LHFPL6: variants seen among roughly 807,000 people sequenced by gnomAD.
LHFPL6 encodes the protein LHFPL tetraspan subfamily member 6 protein.
LHFPL6 carries 9 observed loss-of-function variants against 20.6 expected under a neutral mutation model. The ratio of observed to expected loss-of-function variants is 0.44; its 90% confidence interval spans 0.26 to 0.76. The LOEUF (loss-of-function observed/expected upper bound fraction) is 0.76. LHFPL6 is among the 30% of genes least tolerant of loss of function. The probability of loss-of-function intolerance (pLI) is 0.20; values close to 1 mark genes in which losing one functional copy is unlikely to be tolerated. For synonymous variants in LHFPL6, 105 were observed against 98.7 expected (o/e 1.06, Z -0.38); for missense variants, 218 against 253.5 (o/e 0.86, Z 0.95).
intron 2 of LHFPL6, among the ~76,000 whole-genome samples, chr13:39,446,479 C>T (rs542674055): frequency 3.9e-4 from 60 of 152,270 alleles, no homozygotes; most frequent in African/African-American, 1.3e-3. Context: ...ATCTGCAGAG[C>T]ACAGAGTAAG....
At chr13:39,443,959 G>A (rs907519958) in intron 2 of LHFPL6, among the ~76,000 whole-genome samples, 5 of 151,798 alleles carry the variant, frequency 3.3e-5, no homozygotes, top group African/African-American at 1.2e-4. Flanking sequence ...TAGGTTTGAT[G>A]TGTTAAATGT....
chr13:39,562,375 C>CATATACAT (rs1566141871), intron 2 of LHFPL6, among the ~76,000 whole-genome samples: 2,251 of 100,214 alleles, frequency 0.022, 145 homozygotes, highest in African/African-American at 0.054. Flanking sequence ...TACATATATA[C>CATATACAT]ATATATACAT....
chr13:39,455,167 G>A (rs917250584), intron 2 of LHFPL6, among the ~76,000 whole-genome samples: 3 of 151,808 alleles, frequency 2.0e-5, no homozygotes, highest in South Asian at 4.2e-4. Context: ...CAACTCCCTC[G>A]AAAAAAACCA....
intron 2 of LHFPL6, among the ~76,000 whole-genome samples, chr13:39,466,985 A>T (rs371027289): frequency 6.6e-6 from 1 of 152,216 alleles, no homozygotes; most frequent in Admixed American, 6.5e-5. Context: ...GATCTTTGTT[A>T]CTTAGTGATA....
intron 2 of LHFPL6, among the ~76,000 whole-genome samples, chr13:39,536,794 A>T (rs371702646): frequency 1.3e-5 from 2 of 152,224 alleles, no homozygotes; most frequent in East Asian, 3.9e-4. Context: ...TCAGTAATTA[A>T]TCCAGTTCTG....
chr13:39,445,506 T>A (rs984775678), intron 2 of LHFPL6, among the ~76,000 whole-genome samples: 1 of 152,222 alleles, frequency 6.6e-6, no homozygotes, highest in Non-Finnish European at 1.5e-5. Context: ...TCAGTCTTAG[T>A]ATAGAACAGA....
At chr13:39,444,145 G>A (rs185682949) in intron 2 of LHFPL6, among the ~76,000 whole-genome samples, 22 of 152,282 alleles carry the variant, frequency 1.4e-4, no homozygotes, top group Non-Finnish European at 2.9e-4. Flanking sequence ...GGGGACTCAA[G>A]AGTGAGGAAC....
chr13:39,569,156 C>CGGACGGATGGATGGATGGAT (rs754156552), intron 2 of LHFPL6, among the ~76,000 whole-genome samples: 2 of 97,356 alleles, frequency 2.1e-5, no homozygotes, highest in Middle Eastern at 6.4e-3. Flanking sequence ...GATGGACGGA[C>CGGACGGATGGATGGATGGAT]GGATGGATGG....
At chr13:39,510,751 T>C (rs1299383599) in intron 2 of LHFPL6, among the ~76,000 whole-genome samples, 1 of 152,166 alleles carries the variant, frequency 6.6e-6, no homozygotes, top group Non-Finnish European at 1.5e-5. Context: ...CTTTGCTTCC[T>C]GAGTGAAAAA....
At chr13:39,394,067 T>C (rs1870776887) in intron 2 of LHFPL6, among the ~76,000 whole-genome samples, 2 of 152,120 alleles carry the variant, frequency 1.3e-5, no homozygotes, top group Non-Finnish European at 2.9e-5. Flanking sequence ...TCGCCTCCCA[T>C]ATAGCTGGGA....
intron 2 of LHFPL6, among the ~76,000 whole-genome samples, chr13:39,417,176 C>T (rs1443417908): frequency 6.6e-6 from 1 of 152,138 alleles, no homozygotes; most frequent in Non-Finnish European, 1.5e-5. Flanking sequence ...TTATTCATAT[C>T]CCTCTTGAAA....
At chr13:39,459,611 G>A (rs1241422607) in intron 2 of LHFPL6, among the ~76,000 whole-genome samples, 2 of 152,058 alleles carry the variant, frequency 1.3e-5, no homozygotes, top group African/African-American at 4.8e-5. Flanking sequence ...CTTTCCCATG[G>A]GAATTTAAAC....
chr13:39,444,945 T>C (rs564425786), intron 2 of LHFPL6, among the ~76,000 whole-genome samples: 1 of 152,198 alleles, frequency 6.6e-6, no homozygotes, highest in African/African-American at 2.4e-5. Flanking sequence ...TTGTGAGAGC[T>C]GCTGGGTGGA....
At chr13:39,409,698 A>G (rs949970044) in intron 2 of LHFPL6, among the ~76,000 whole-genome samples, 4 of 152,186 alleles carry the variant, frequency 2.6e-5, no homozygotes, top group African/African-American at 9.7e-5. Context: ...GTAACCATTG[A>G]ATTATTTGGG....
At chr13:39,543,138 T>C (rs1336510555) in intron 2 of LHFPL6, among the ~76,000 whole-genome samples, 1 of 152,228 alleles carries the variant, frequency 6.6e-6, no homozygotes. Flanking sequence ...GTCTGGTTTA[T>C]TTCATTTAAT....
At chr13:39,381,217 C>T (rs1413094279) in intron 2 of LHFPL6, among the ~76,000 whole-genome samples, 3 of 152,120 alleles carry the variant, frequency 2.0e-5, no homozygotes, top group Non-Finnish European at 4.4e-5. Context: ...TGCTAATGTT[C>T]ATTACGAGTA....
At chr13:39,589,319 C>T (rs1872538757) in intron 2 of LHFPL6, among the ~76,000 whole-genome samples, 1 of 152,060 alleles carries the variant, frequency 6.6e-6, no homozygotes, top group Admixed American at 6.6e-5. Context: ...GTTGGTCAGG[C>T]TGGTCTCGAA....
intron 2 of LHFPL6, among the ~76,000 whole-genome samples, chr13:39,469,746 T>C (rs1215952324): frequency 6.6e-6 from 1 of 152,134 alleles, no homozygotes; most frequent in African/African-American, 2.4e-5. Flanking sequence ...AAACATAAAA[T>C]CAAAGGATAA....
intron 2 of LHFPL6, among the ~76,000 whole-genome samples, chr13:39,457,879 A>G (rs2138426195): frequency 6.6e-6 from 1 of 152,370 alleles, no homozygotes; most frequent in East Asian, 1.9e-4. Context: ...CATATAGAAA[A>G]GAACATAGAA....
Sources: allele counts gnomAD v4.1 joint callset (sites outside exome capture counted in the v4.1 genomes callset), GRCh38; gene constraint gnomAD v4.1.1; transcripts MANE v1.5; gene names NCBI Gene and HGNC (gene_info 2026-07-23, HGNC 2026-07-21).